Variants in FPR3 observed in about 807,000 individuals in gnomAD.
FPR3 encodes the protein N-formyl peptide receptor 3.
For synonymous variants in FPR3, 135 were observed against 163.6 expected, an observed-to-expected ratio of 0.83 and a Z score of 1.34; for missense variants, 346 against 443.2, an observed-to-expected ratio of 0.78 and a Z score of 1.97.
rs75514043 is a variant in FPR3 at position 51,801,203 on chromosome 19, T to C, written c.-11+5872T>C. ...GAGCCAAAACCAGGTCTAGCAAACA[T>C]AATGCTGGCCCTAGATTATTTATTA... is the stretch of plus-strand genomic sequence containing the variant. On this transcript the variant is annotated intron_variant, in intron 1 of 1. Transcript: ENST00000339223. Among the ~76,000 whole-genome samples the C allele has an allele frequency of 4.0e-3, 614 of 152,200 alleles. 6 individuals carry two copies. The highest frequency in any genetic ancestry group is 0.014 in the African/African-American group (589 of 41,542).
intron 1 of FPR3, among the ~76,000 whole-genome samples, chr19:51,814,235 C>T (rs2084117924): frequency 6.6e-6 from 1 of 152,162 alleles, no homozygotes; most frequent in South Asian, 2.1e-4. Flanking sequence ...AGCCGGAGGA[C>T]AATGTCCTGA....
intron 1 of FPR3, among the ~76,000 whole-genome samples, chr19:51,813,853 A>C (rs2084115565): frequency 6.6e-6 from 1 of 152,076 alleles, no homozygotes; most frequent in African/African-American, 2.4e-5. Flanking sequence ...CTCCTTTATA[A>C]AATGAGACAG....
chr19:51,823,950 G>C lies in FPR3; in HGVS notation c.202G>C (p.Ala68Pro). 6.2e-7 allele frequency: 1 copy of C among 1,614,018 alleles called. No individual in the cohort carries two copies. Among genetic ancestry groups the C allele is most frequent in the Non-Finnish European group, 8.5e-7 (1 of 1,179,966 alleles). ...CAACACCATCTGTTACCTGAACCTGGCCCTAGCTGACTTCTCTTTCAGTGC... is the reference window on the plus strand; with the variant it reads ...CAACACCATCTGTTACCTGAACCTGCCCCTAGCTGACTTCTCTTTCAGTGC... ...TVNTICYLNL[A>P]LADFSFSAIL... The change falls in exon 2 of 2, where the codon GCC becomes CCC. Residue 68 changes from alanine to proline, a missense_variant. Ala to Pro is a conservative substitution (Grantham distance 27, BLOSUM62 -1). Coordinates refer to ENST00000339223, the MANE Select transcript of FPR3 (RefSeq NM_002030.5).
intron 1 of FPR3, among the ~76,000 whole-genome samples, chr19:51,796,740 A>G (rs1305693663): frequency 6.6e-6 from 1 of 152,214 alleles, no homozygotes; most frequent in African/African-American, 2.4e-5. Context: ...CCAAATAGAT[A>G]CAGAATATTG....
In FPR3 at chr19:51,797,877, C is replaced by CTTTTTTTTTTTTTTTTT; in HGVS notation, c.-11+2553_-11+2569dup. Among the ~76,000 whole-genome samples the CTTTTTTTTTTTTTTTTT allele has an allele frequency of 1.6e-3, 113 of 71,504 alleles. 16 individuals carry two copies. Among genetic ancestry groups the CTTTTTTTTTTTTTTTTT allele is most frequent in the Non-Finnish European group, 1.7e-3 (73 of 42,360 alleles). The allele number at this position is 71,504 out of a possible 152,430, so 46.9% of individuals were successfully genotyped here. A position where few individuals can be genotyped will look rare whatever the true frequency, so the allele number is the denominator to read the frequency against. The stretch of plus-strand genomic sequence containing the variant: ...ATCCTAGATGATTTCCATGTCTATT[C>CTTTTTTTTTTTTTTTTT]TTTTTTTTTTTTTTTTTTTTTTTGA... On this transcript the variant is annotated intron_variant, in intron 1 of 1. Transcript: ENST00000339223.
At chr19:51,798,714 A>G (rs1336030497) in intron 1 of FPR3, among the ~76,000 whole-genome samples, 2 of 152,178 alleles carry the variant, frequency 1.3e-5, no homozygotes, top group Non-Finnish European at 1.5e-5. Context: ...TAAAAAAGGG[A>G]TGATGATGGC....
chr19:51,805,386 GA>G (rs1226676592), intron 1 of FPR3: 1 of 152,218 alleles, frequency 6.6e-6, no homozygotes, highest in African/African-American at 2.4e-5. Context: ...GTCTTCTAAA[GA>G]AGGCTGAAAT....
rs776189722 is a variant in FPR3, at chr19:51,824,449, T to G, written c.701T>G (p.Ile234Ser). Reference protein sequence around the residue: ...IAAKIHRNHMIKSSRPLRVFA... With the variant: ...IAAKIHRNHMSKSSRPLRVFA... ...GCCAAAATTCACAGAAACCACATGATTAAATCCAGCCGTCCCTTACGTGTC... is the reference window on the plus strand; with the variant it reads ...GCCAAAATTCACAGAAACCACATGAGTAAATCCAGCCGTCCCTTACGTGTC... The change falls in exon 2 of 2, where the codon ATT becomes AGT. Residue 234 changes from isoleucine to serine, a missense_variant. Physicochemically the swap from Ile to Ser is moderately radical, Grantham distance 142. Coordinates refer to ENST00000339223, the MANE Select transcript of FPR3 (RefSeq NM_002030.5). This position sits in a 1 kb window ranked among gnomAD's most constrained non-coding sequence, Gnocchi z 4.7. 1.2e-5 allele frequency: 19 copies of G among 1,614,122 alleles called. No individual in the cohort carries two copies. Among genetic ancestry groups the G allele is most frequent in the Non-Finnish European group, 1.6e-5 (19 of 1,180,014 alleles).
At chr19:51,807,185 G>A (rs929004023) in intron 1 of FPR3, among the ~76,000 whole-genome samples, 4 of 150,384 alleles carry the variant, frequency 2.7e-5, no homozygotes, top group Non-Finnish European at 1.5e-5. Context: ...ACAGCCCTCC[G>A]TATTTATCAG....
In FPR3 at chr19:51,824,411, T is replaced by C. The variant is rs745838564; in HGVS notation, c.663T>C (p.Tyr221=). 4 of 1,614,128 alleles carry C rather than the reference T, an allele frequency of 2.5e-6. No individual in the cohort carries two copies. In the Admixed American group the frequency reaches 6.7e-5, roughly 27 times the overall value. Residue 221 remains tyrosine, a synonymous_variant, in exon 2 of 2, where the codon TAT becomes TAC. Transcript: ENST00000339223. The surrounding 1 kb of genome is among the most constrained non-coding windows in gnomAD (Gnocchi z 4.7). ...SVPMSIITVC[Y]GIIAAKIHRN... is the part of the protein sequence containing the mutation. The stretch of plus-strand genomic sequence containing the variant: ...CTATGTCCATCATCACAGTCTGCTA[T>C]GGGATCATCGCTGCCAAAATTCACA...
intron 1 of FPR3, among the ~76,000 whole-genome samples, chr19:51,798,075 A>G (rs1339911200): frequency 6.6e-6 from 1 of 151,878 alleles, no homozygotes; most frequent in Non-Finnish European, 1.5e-5. Flanking sequence ...TCAGTTCTGC[A>G]GAGGGGAAAA....
At chr19:51,823,158 C>T (rs1466038622) in intron 1 of FPR3, among the ~76,000 whole-genome samples, 1 of 152,072 alleles carries the variant, frequency 6.6e-6, no homozygotes, top group Admixed American at 6.6e-5. Context: ...TCACCACGCC[C>T]GGCCTATAGC....
intron 1 of FPR3, among the ~76,000 whole-genome samples, chr19:51,803,575 C>T (rs1568427237): frequency 6.7e-6 from 1 of 148,836 alleles, no homozygotes; most frequent in Non-Finnish European, 1.5e-5. Context: ...ACTTTTGACT[C>T]CTATAAATGC....
chr19:51,820,184 A>G (rs2084177688), intron 1 of FPR3, among the ~76,000 whole-genome samples: 1 of 152,246 alleles, frequency 6.6e-6, no homozygotes, highest in Non-Finnish European at 1.5e-5. Context: ...TTAATGCATC[A>G]GAAATCACAC....
At chr19:51,807,778 C>G (rs1205151826) in intron 1 of FPR3, among the ~76,000 whole-genome samples, 1 of 152,218 alleles carries the variant, frequency 6.6e-6, no homozygotes, top group Admixed American at 6.5e-5. Flanking sequence ...GTTTGCCAGG[C>G]AGTCGACATT....
intron 1 of FPR3, among the ~76,000 whole-genome samples, chr19:51,803,214 C>T (rs765258101): frequency 4.6e-5 from 7 of 152,032 alleles, no homozygotes; most frequent in Non-Finnish European, 7.4e-5. Context: ...CTCATGTGCG[C>T]AATATTTATA....
intron 1 of FPR3, among the ~76,000 whole-genome samples, chr19:51,816,256 C>CT (rs952807313): frequency 9.3e-4 from 141 of 151,946 alleles, no homozygotes; most frequent in African/African-American, 3.1e-3. Flanking sequence ...TTCTTTTCTC[C>CT]TTTTTTTTGA....
chr19:51,811,554 T>C (rs1029543019), intron 1 of FPR3: 2 of 152,206 alleles, frequency 1.3e-5, no homozygotes, highest in African/African-American at 4.8e-5. Context: ...GGAGATCTTC[T>C]TCATTCACAT....
intron 1 of FPR3, among the ~76,000 whole-genome samples, chr19:51,799,299 G>A (rs954056893): frequency 2.0e-5 from 3 of 152,096 alleles, no homozygotes; most frequent in African/African-American, 4.8e-5. Flanking sequence ...CATTGAAGCC[G>A]CACCCACAAT....
Sources: allele counts gnomAD v4.1 joint callset (sites outside exome capture counted in the v4.1 genomes callset), GRCh38; gene constraint gnomAD v4.1.1; non-coding constraint Gnocchi (gnomAD v3.1); transcripts MANE v1.5; gene names NCBI Gene and HGNC (gene_info 2026-07-23, HGNC 2026-07-21).